Variants in CYS1 observed in about 807,000 individuals in gnomAD.
CYS1 encodes cystin-1.
A neutral mutation model predicts 9.6 loss-of-function variants in CYS1; 5 were observed. The ratio of observed to expected loss-of-function variants is 0.52; its 90% CI spans 0.27 to 1.10. The LOEUF (loss-of-function observed/expected upper bound fraction) is 1.10. Among genes scored for constraint, CYS1 ranks in the 50% least tolerant of loss-of-function variants. CYS1 has a pLI of 0.11. For synonymous variants in CYS1, 88 were observed against 95.7 expected (o/e 0.92, Z 0.47); for missense variants, 221 against 207.9 (o/e 1.06, Z -0.39).
At chr2:10,059,188 C>T (rs1012463673) in intron 2 of CYS1, among the ~76,000 whole-genome samples, 7 of 152,268 alleles carry the variant, frequency 4.6e-5, no homozygotes, top group African/African-American at 1.7e-4. Flanking sequence ...GAAGCCAGCA[C>T]CTGCCCTGGT....
At chr2:10,067,262 C>A (rs1018700314) in intron 1 of CYS1, among the ~76,000 whole-genome samples, 1 of 152,176 alleles carries the variant, frequency 6.6e-6, no homozygotes, top group Non-Finnish European at 1.5e-5. Flanking sequence ...AGGTGATCTG[C>A]CCACCTCAGC....
chr2:10,080,189 A>T lies in CYS1; in HGVS notation c.35T>A (p.Leu12Gln). 9.4e-7 allele frequency: 1 copy of T among 1,068,002 alleles called. No homozygotes were observed. 66.2% of individuals were successfully genotyped at this position (1,068,002 alleles called of 1,614,324 possible). A position where few individuals can be genotyped will look rare whatever the true frequency, so the allele number is the denominator to read the frequency against. The change falls in exon 1 of 3, where the codon CTG becomes CAG. Residue 12 changes from leucine (L) to glutamine (Q), a missense_variant. Transcript: ENST00000381813. This position sits in a 1 kb window ranked among gnomAD's most constrained non-coding sequence, Gnocchi z 6.4. Reference protein sequence around the residue: ...GSGSSRSSRTLRRRRSPESLP... With the variant: ...GSGSSRSSRTQRRRRSPESLP... ...GCTCTCGGGGCTGCGCCGCCGCCTC[A>T]GAGTCCGGCTGCTCCGGCTGCTGCC...
rs148927877 is a variant in CYS1 at position 10,060,744 on chromosome 2, T to C, written c.372-1786A>G. Among the ~76,000 whole-genome samples the C allele has an allele frequency of 1.1e-3, 166 of 152,370 alleles. 1 individual carries two copies. The highest frequency in any genetic ancestry group is 3.8e-3 in the African/African-American group (160 of 41,594). On this transcript the variant is annotated intron_variant, in intron 2 of 2. Coordinates refer to ENST00000381813, the MANE Select transcript of CYS1 (RefSeq NM_001037160.3). The stretch of plus-strand genomic sequence containing the variant: ...GAGCCAGGCAGATCTCACCTGGCTC[T>C]GCCACGCAGTCGCTGTGTGGCTGTG...
chr2:10,072,816 T>G (rs1420363498), intron 1 of CYS1, among the ~76,000 whole-genome samples: 1 of 152,098 alleles, frequency 6.6e-6, no homozygotes, highest in African/African-American at 2.4e-5. Context: ...AGCTCCACTG[T>G]AGGGCTTTGC....
chr2:10,070,010 G>A (rs1246927305), intron 1 of CYS1, among the ~76,000 whole-genome samples: 1 of 152,244 alleles, frequency 6.6e-6, no homozygotes, highest in African/African-American at 2.4e-5. Context: ...TGTCACTGAA[G>A]CCAGACAGAG....
intron 1 of CYS1, among the ~76,000 whole-genome samples, chr2:10,070,006 T>C (rs1489305054): frequency 6.6e-6 from 1 of 152,246 alleles, no homozygotes; most frequent in Admixed American, 6.5e-5. Flanking sequence ...TGCCTGTCAC[T>C]GAAGCCAGAC....
intron 1 of CYS1, among the ~76,000 whole-genome samples, chr2:10,069,764 G>T (rs1661741008): frequency 6.6e-6 from 1 of 152,192 alleles, no homozygotes; most frequent in Admixed American, 6.5e-5. Flanking sequence ...TGGATAATGT[G>T]TAATAAGGCC....
At chr2:10,066,933 T>C (rs1301445358) in intron 1 of CYS1, among the ~76,000 whole-genome samples, 1 of 152,260 alleles carries the variant, frequency 6.6e-6, no homozygotes, top group Non-Finnish European at 1.5e-5. Context: ...AAATAGGGAA[T>C]ATCTATTCAT....
intron 1 of CYS1, among the ~76,000 whole-genome samples, chr2:10,075,332 G>A (rs560574703): frequency 7.2e-5 from 11 of 152,334 alleles, no homozygotes; most frequent in Non-Finnish European, 1.2e-4. Flanking sequence ...ATGCTTCCAC[G>A]GGAACTTGCA....
At chr2:10,061,580 C>T (rs1489940260) in intron 2 of CYS1, among the ~76,000 whole-genome samples, 2 of 152,228 alleles carry the variant, frequency 1.3e-5, no homozygotes, top group Non-Finnish European at 2.9e-5. Flanking sequence ...TTCACACAGC[C>T]ATTCTCCTCA....
chr2:10,075,198 C>T (rs367753787), intron 1 of CYS1, among the ~76,000 whole-genome samples: 9 of 152,208 alleles, frequency 5.9e-5, no homozygotes, highest in Non-Finnish European at 8.8e-5. Flanking sequence ...CTTTGTCAAC[C>T]GCTGGAACAC....
At chr2:10,079,619 C>G (rs62127555) in intron 1 of CYS1, among the ~76,000 whole-genome samples, 11,650 of 151,904 alleles carry the variant, frequency 0.077, 560 homozygotes, top group Middle Eastern at 0.12. Context: ...CCAGGCGGGG[C>G]CGCGGGCCCG....
chr2:10,065,753 G>A (rs1661686638), intron 2 of CYS1, 151 bp downstream of exon 2: 1 of 732,158 alleles, frequency 1.4e-6, no homozygotes, highest in Non-Finnish European at 2.4e-6. Flanking sequence ...ACCTTCCCTT[G>A]AGGGCTAGGG....
At chr2:10,069,623 TC>T (rs1201358783) in intron 1 of CYS1, among the ~76,000 whole-genome samples, 2 of 152,070 alleles carry the variant, frequency 1.3e-5, no homozygotes, top group Admixed American at 6.6e-5. Context: ...TGCCTCAGCC[TC>T]CCAAGATGCT....
chr2:10,076,347 G>A lies in CYS1; in HGVS notation c.318+3559C>T, dbSNP rs1179960349. 6.6e-6 allele frequency among the ~76,000 whole-genome samples: 1 copy of A among 152,088 alleles called. No homozygotes were observed. The highest frequency in any genetic ancestry group is 1.5e-5 in the Non-Finnish European group (1 of 68,018). On this transcript the variant is annotated intron_variant, in intron 1 of 2. Transcript: ENST00000381813. The surrounding 1 kb of genome is among the most constrained non-coding windows in gnomAD (Gnocchi z 4.3). The stretch of plus-strand genomic sequence containing the variant: ...GATTTTCTGGTGAATTCCAGGTCCA[G>A]CAGCACCATCCCTACCGCCATCCAC...
In CYS1 at chr2:10,058,588, TC is replaced by T; in HGVS notation, c.*264del. The T allele has an allele frequency of 2.6e-6, 1 of 384,306 alleles. No individual in the cohort carries two copies. The highest frequency in any genetic ancestry group is 4.7e-6 in the Non-Finnish European group (1 of 210,672). The allele number at this position is 384,306 out of a possible 1,614,324, so 23.8% of individuals were successfully genotyped here. A position where few individuals can be genotyped will look rare whatever the true frequency, so the allele number is the denominator to read the frequency against. On this transcript the variant is annotated 3_prime_UTR_variant, in exon 3 of 3. Transcript: ENST00000381813. ...CAGGCTCCAGAAGAACTGGGCAGGC[TC>T]CCCGCGTTGGGGAGGAGGCGCCGGC...
Position 10,057,218 on chromosome 2 carries a change from A to G in CYS1, c.*1635T>C, listed in dbSNP as rs1316070163. ...TAAAAGATGTATTTGCATTATTAAA[A>G]TATAGTAACGACTTCCATCTTTACA... On this transcript the variant is annotated 3_prime_UTR_variant, in exon 3 of 3. Coordinates refer to ENST00000381813, the MANE Select transcript of CYS1 (RefSeq NM_001037160.3). The G allele has an allele frequency of 6.6e-6, 1 of 152,288 alleles. No individual in the cohort carries two copies. The highest frequency in any genetic ancestry group is 2.4e-5 in the African/African-American group (1 of 41,476). The allele number at this position is 152,288 out of a possible 1,614,324, so 9.4% of individuals were successfully genotyped here. A position where few individuals can be genotyped will look rare whatever the true frequency, so the allele number is the denominator to read the frequency against.
intron 2 of CYS1, 87 bp from the exon 3 acceptor site, chr2:10,059,045 TG>T (rs1219323515): frequency 2.3e-6 from 3 of 1,280,994 alleles, no homozygotes; most frequent in Admixed American, 4.0e-5. Context: ...TGGCTCCTAG[TG>T]GGCCCATCCT....
chr2:10,066,506 G>A (rs1374289574), intron 1 of CYS1, among the ~76,000 whole-genome samples: 5 of 152,200 alleles, frequency 3.3e-5, no homozygotes, highest in East Asian at 1.9e-4. Flanking sequence ...AGGCCAGGAC[G>A]TGTCTACACA....
Sources: allele counts gnomAD v4.1 joint callset (sites outside exome capture counted in the v4.1 genomes callset), GRCh38; gene constraint gnomAD v4.1.1; non-coding constraint Gnocchi (gnomAD v3.1); transcripts MANE v1.5; gene names NCBI Gene and HGNC (gene_info 2026-07-23, HGNC 2026-07-21).